The following INPP4A variants were observed in gnomAD, a reference collection of about 807,000 sequenced individuals.
The protein encoded by INPP4A is inositol polyphosphate-4-phosphatase type I A, also known as inositol polyphosphate-4-phosphatase, type I, 107kD.
In INPP4A, 33 loss-of-function variants were observed where a neutral mutation model predicts 119.8. The ratio of observed to expected loss-of-function variants is 0.28; its 90% CI spans 0.21 to 0.37. The LOEUF is 0.37. Among genes scored for constraint, INPP4A ranks in the 10% least tolerant of loss-of-function variants. The pLI is 1.00. For synonymous variants in INPP4A, 496 were observed against 500.7 expected, an observed-to-expected ratio of 0.99 and a Z score of 0.12; for missense variants, 956 against 1,289.9, an observed-to-expected ratio of 0.74 and a Z score of 3.97.
chr2:98,586,109 T>C (rs1289064598), intron 24 of INPP4A, among the ~76,000 whole-genome samples: 1 of 152,254 alleles, frequency 6.6e-6, no homozygotes, highest in Non-Finnish European at 1.5e-5. Context: ...TCCTGTGGCC[T>C]AGGTGTTCAG....
intron 1 of INPP4A, among the ~76,000 whole-genome samples, chr2:98,517,404 G>GTGCA (rs1395451576): frequency 2.0e-5 from 3 of 152,290 alleles, no homozygotes; most frequent in South Asian, 2.1e-4. Flanking sequence ...CACAGGGTAG[G>GTGCA]TGCATGTTCA....
chr2:98,538,173 G>T (rs1219926387), intron 8 of INPP4A, among the ~76,000 whole-genome samples, 199 bp downstream of exon 8: 1 of 152,218 alleles, frequency 6.6e-6, no homozygotes, highest in Non-Finnish European at 1.5e-5. Context: ...AAGCCCTGCT[G>T]CCCTGGAGCC....
intron 24 of INPP4A, chr2:98,581,968 C>A: frequency 2.7e-6 from 2 of 753,416 alleles, no homozygotes; most frequent in East Asian, 3.1e-5. Context: ...GCTCCTGTAG[C>A]ATCTTCAGTG....
intron 1 of INPP4A, among the ~76,000 whole-genome samples, chr2:98,515,858 C>G (rs1686022331): frequency 6.6e-6 from 1 of 152,222 alleles, no homozygotes; most frequent in African/African-American, 2.4e-5. Context: ...TTTCCCTGCC[C>G]CCCATGGCTG....
At chr2:98,581,482 T>C in intron 24 of INPP4A, 1 of 1,250,478 alleles carries the variant, frequency 8.0e-7, no homozygotes, top group Non-Finnish European at 1.1e-6. Flanking sequence ...CCATCCTTTT[T>C]GATAAAATCC....
At chr2:98,450,929 G>A (rs1171045236) in intron 1 of INPP4A, among the ~76,000 whole-genome samples, 21 of 152,122 alleles carry the variant, frequency 1.4e-4, no homozygotes, top group African/African-American at 5.1e-4. Context: ...ATACCACCAT[G>A]CCTGGCTAAT....
At chr2:98,496,090 CTCTGTTTTAATGTT>C (rs1418596422) in intron 1 of INPP4A, among the ~76,000 whole-genome samples, 1 of 152,038 alleles carries the variant, frequency 6.6e-6, no homozygotes, top group Non-Finnish European at 1.5e-5. Flanking sequence ...GTCTTAAGGC[CTCTGTTTTAATGTT>C]AATGCTGGTC....
At chr2:98,551,057 T>C (rs1438044542) in intron 13 of INPP4A, among the ~76,000 whole-genome samples, 8 of 151,996 alleles carry the variant, frequency 5.3e-5, no homozygotes, top group African/African-American at 1.9e-4. Context: ...CTGGGCTCAG[T>C]TGACCCTCCT....
In INPP4A at chr2:98,566,989, GT is replaced by G. The variant is rs1696580888; in HGVS notation, c.2420+821del. Among the ~76,000 whole-genome samples the G allele has an allele frequency of 6.6e-6, 1 of 152,208 alleles. No homozygotes were observed. Among genetic ancestry groups the G allele is most frequent in the African/African-American group, 2.4e-5 (1 of 41,446 alleles). On this transcript the variant is annotated intron_variant, in intron 21 of 24. Coordinates refer to ENST00000409851, the MANE Select transcript of INPP4A (RefSeq NM_001134225.2). This position sits in a 1 kb window ranked among gnomAD's most constrained non-coding sequence, Gnocchi z 4.2. ...CTGGGCCTTCTGATGTCCAACCCCA[GT>G]GGTTGATGTCCATTGACGCCTAGGT...
At chr2:98,446,930 A>C (rs184060059) in intron 1 of INPP4A, among the ~76,000 whole-genome samples, 1 of 152,350 alleles carries the variant, frequency 6.6e-6, no homozygotes, top group African/African-American at 2.4e-5. Context: ...GAGCACTAGA[A>C]AAATGGGATG....
At position 98,535,410 on chromosome 2, in the gene INPP4A, A is replaced by G. The variant is rs532487668; in HGVS notation, c.271-319A>G. 2.0e-5 allele frequency among the ~76,000 whole-genome samples: 3 copies of G among 152,316 alleles called. No individual in the cohort carries two copies. The South Asian group carries it at 6.2e-4, about 32-fold the overall frequency. On this transcript the variant is annotated intron_variant, in intron 5 of 24. Transcript: ENST00000409851. The stretch of plus-strand genomic sequence containing the variant: ...AACTAAGAATGCATGTGGACATCCA[A>G]CTTGTTTCAGTTTTTAAAAATTCCT...
chr2:98,563,458 G>A lies in INPP4A; in HGVS notation c.1856-7G>A. On this transcript the variant is annotated splice_region_variant and splice_polypyrimidine_tract_variant and intron_variant, in intron 17 of 24. Coordinates refer to ENST00000409851, the MANE Select transcript of INPP4A (RefSeq NM_001134225.2). ...TCATTGTGATGACCCCTTCGCTTGT[G>A]CCCCAGGTGAATGGAGTGAGGCCCT... The A allele has an allele frequency of 6.2e-7, 1 of 1,610,968 alleles. No homozygotes were observed. The highest frequency in any genetic ancestry group is 8.5e-7 in the Non-Finnish European group (1 of 1,178,316).
At chr2:98,508,781 C>G (rs1180324614) in intron 1 of INPP4A, among the ~76,000 whole-genome samples, 2 of 152,200 alleles carry the variant, frequency 1.3e-5, no homozygotes, top group African/African-American at 4.8e-5. Context: ...CGCGCTGCTC[C>G]TGGTGCACGC....
chr2:98,512,794 G>A (rs1298431295), intron 1 of INPP4A, among the ~76,000 whole-genome samples: 1 of 152,176 alleles, frequency 6.6e-6, no homozygotes, highest in Admixed American at 6.5e-5. Context: ...GTGGACCAGG[G>A]TGCTGGGGGC....
intron 1 of INPP4A, among the ~76,000 whole-genome samples, chr2:98,459,187 G>A (rs1696687791): frequency 6.6e-6 from 1 of 152,236 alleles, no homozygotes; most frequent in East Asian, 1.9e-4. Flanking sequence ...GTGACACTGA[G>A]TAGACCTCGG....
chr2:98,547,177 A>G (rs774552706), intron 13 of INPP4A, among the ~76,000 whole-genome samples: 6 of 152,220 alleles, frequency 3.9e-5, no homozygotes, highest in Non-Finnish European at 7.4e-5. Flanking sequence ...AGACAAAGAC[A>G]TGGCAGAAGC....
Position 98,554,223 on chromosome 2 carries a change from CCAGCCCCTGGCCTGGGCT to C in INPP4A, c.1348-43_1348-26del. The C allele has an allele frequency of 6.9e-7, 1 of 1,458,652 alleles. No homozygotes were observed. Among genetic ancestry groups the C allele is most frequent in the Non-Finnish European group, 9.4e-7 (1 of 1,067,328 alleles). The allele number at this position is 1,458,652 out of a possible 1,614,324, so 90.4% of individuals were successfully genotyped here. ...TTTCTGAGATAAGGCAGGGGCCTCCCCAGCCCCTGGCCTGGGCTCAGCAGCCTTGGTTTGTGTGCACCT... is the reference window on the plus strand; with the variant it reads ...TTTCTGAGATAAGGCAGGGGCCTCCCCAGCAGCCTTGGTTTGTGTGCACCT... On this transcript the variant is annotated intron_variant, in intron 14 of 24. Transcript: ENST00000409851. This position sits in a 1 kb window ranked among gnomAD's most constrained non-coding sequence, Gnocchi z 4.7.
At chr2:98,508,480 C>T (rs913768582) in intron 1 of INPP4A, among the ~76,000 whole-genome samples, 1 of 152,204 alleles carries the variant, frequency 6.6e-6, no homozygotes. Flanking sequence ...GACCCACACT[C>T]AGAGATAAGC....
At chr2:98,477,735 A>G (rs1677547740) in intron 1 of INPP4A, among the ~76,000 whole-genome samples, 1 of 152,248 alleles carries the variant, frequency 6.6e-6, no homozygotes, top group African/African-American at 2.4e-5. Context: ...TTCTCCCTCT[A>G]CCTCACCCTG....
Sources: allele counts gnomAD v4.1 joint callset (sites outside exome capture counted in the v4.1 genomes callset), GRCh38; gene constraint gnomAD v4.1.1; non-coding constraint Gnocchi (gnomAD v3.1); transcripts MANE v1.5; gene names NCBI Gene and HGNC (gene_info 2026-07-23, HGNC 2026-07-21).